ESRRB: variants seen among roughly 807,000 people sequenced by gnomAD.
ESRRB encodes steroid hormone receptor ERR2.
ESRRB carries 16 observed loss-of-function variants against 46.0 expected under a neutral mutation model. The observed-to-expected ratio is 0.35, with a 90% CI of 0.24 to 0.53. The LOEUF is 0.53. ESRRB is among the 20% of genes least tolerant of loss of function. ESRRB has a pLI of 0.93. For missense variants in ESRRB, 488 were observed against 607.4 expected (o/e 0.80, Z 2.07); for synonymous variants, 246 against 259.6 (o/e 0.95, Z 0.50).
intron 2 of ESRRB, among the ~76,000 whole-genome samples, chr14:76,451,047 G>C (rs142667832): frequency 6.6e-6 from 1 of 152,284 alleles, no homozygotes; most frequent in African/African-American, 2.4e-5. Flanking sequence ...GTCCAGAGAA[G>C]GTTTATACCT....
At chr14:76,337,360 G>A (rs1298335046) in intron 1 of ESRRB, among the ~76,000 whole-genome samples, 1 of 152,172 alleles carries the variant, frequency 6.6e-6, no homozygotes, top group Non-Finnish European at 1.5e-5. Flanking sequence ...GGATGCAATA[G>A]AGGTGTTAGG....
At chr14:76,419,584 G>A (rs568947118) in intron 1 of ESRRB, among the ~76,000 whole-genome samples, 1 of 152,194 alleles carries the variant, frequency 6.6e-6, no homozygotes, top group Non-Finnish European at 1.5e-5. Context: ...TGATTACCCT[G>A]AAGACATTCA....
intron 1 of ESRRB, among the ~76,000 whole-genome samples, chr14:76,354,224 G>GCCC (rs1371208828): frequency 1.8e-3 from 63 of 34,516 alleles, no homozygotes; most frequent in East Asian, 0.013. Context: ...TCCTCTACCC[G>GCCC]CCCCCCCCCC....
intron 1 of ESRRB, among the ~76,000 whole-genome samples, chr14:76,405,542 C>T (rs1886148008): frequency 1.3e-5 from 2 of 152,100 alleles, no homozygotes; most frequent in South Asian, 2.1e-4. Flanking sequence ...TGAGCATGAT[C>T]AGAAGAGGTA....
Position 76,501,749 on chromosome 14 carries a change from T to C in ESRRB, c.*3291T>C, listed in dbSNP as rs550013902. On this transcript the variant is annotated 3_prime_UTR_variant, in exon 7 of 7. Coordinates refer to ENST00000644823, the MANE Select transcript of ESRRB (RefSeq NM_001379180.1). ...TATGTCTTTCTGCCTCTGTATATGT[T>C]CTCCCAGAAACCCCCATGTAAATCA... 5 of 152,312 alleles carry C rather than the reference T, an allele frequency of 3.3e-5. No homozygotes were observed. In the South Asian group the frequency reaches 1.0e-3, roughly 32 times the overall value. The allele number at this position is 152,312 out of a possible 1,614,324, so 9.4% of individuals were successfully genotyped here. A position where few individuals can be genotyped will look rare whatever the true frequency, so the allele number is the denominator to read the frequency against.
intron 6 of ESRRB, among the ~76,000 whole-genome samples, chr14:76,492,135 T>C (rs973317569): frequency 6.6e-6 from 1 of 152,252 alleles, no homozygotes; most frequent in Non-Finnish European, 1.5e-5. Flanking sequence ...GCTTGCAACA[T>C]GCTTGGCACA....
At chr14:76,443,711 G>A (rs1158208264) in intron 2 of ESRRB, among the ~76,000 whole-genome samples, 3 of 151,594 alleles carry the variant, frequency 2.0e-5, no homozygotes, top group Admixed American at 6.6e-5. Flanking sequence ...TGAAAGCAGA[G>A]GTTAATGTGT....
chr14:76,387,231 C>T (rs1885269288), intron 1 of ESRRB, among the ~76,000 whole-genome samples: 1 of 152,206 alleles, frequency 6.6e-6, no homozygotes, highest in Non-Finnish European at 1.5e-5. Flanking sequence ...CGGACCCCAG[C>T]TTCCCCTCAT....
chr14:76,312,490 G>T (rs1235715035), intron 1 of ESRRB, among the ~76,000 whole-genome samples: 1 of 151,588 alleles, frequency 6.6e-6, no homozygotes, highest in Non-Finnish European at 1.5e-5. Flanking sequence ...CCCATGTTCA[G>T]CCAGTAAGAC....
rs74457822 is a variant in ESRRB, at chr14:76,378,404, G to T, written c.50+1953G>T. ...AGGGAAGCAGCAGAAGGAAGTCAGGGAGCTGAGGTCCTGGGGGTCTGGGAA... is the reference window on the plus strand; with the variant it reads ...AGGGAAGCAGCAGAAGGAAGTCAGGTAGCTGAGGTCCTGGGGGTCTGGGAA... On this transcript the variant is annotated intron_variant, in intron 1 of 6. Coordinates refer to ENST00000644823, the MANE Select transcript of ESRRB (RefSeq NM_001379180.1). Among the ~76,000 whole-genome samples, 268 of 152,318 alleles carry T rather than the reference G, an allele frequency of 1.8e-3. 1 individual carries two copies. The highest frequency in any genetic ancestry group is 6.3e-3 in the African/African-American group (260 of 41,556).
intron 6 of ESRRB, 52 bp from the exon 7 acceptor site, chr14:76,498,162 C>T: frequency 1.2e-6 from 2 of 1,611,576 alleles, no homozygotes; most frequent in Non-Finnish European, 1.7e-6. Context: ...GGCCCCCACA[C>T]CAGGCAGCAC....
At position 76,501,430 on chromosome 14, in the gene ESRRB, T is replaced by C. The variant is rs112261028; in HGVS notation, c.*2972T>C. ...AGACTCCAGCAGAGTCGGGAGGCCA[T>C]GGCAGCGCCTTAGAGGAGCTGGAAC... On this transcript the variant is annotated 3_prime_UTR_variant, in exon 7 of 7. Transcript: ENST00000644823. 97 of 152,282 alleles carry C rather than the reference T, an allele frequency of 6.4e-4. No homozygotes were observed. Among genetic ancestry groups the C allele is most frequent in the African/African-American group, 2.2e-3 (93 of 41,520 alleles). 9.4% of individuals were successfully genotyped at this position (152,282 alleles called of 1,614,324 possible). A position where few individuals can be genotyped will look rare whatever the true frequency, so the allele number is the denominator to read the frequency against.
In ESRRB at chr14:76,501,327, C is replaced by T. The variant is rs1397285585; in HGVS notation, c.*2869C>T. On this transcript the variant is annotated 3_prime_UTR_variant, in exon 7 of 7. Transcript: ENST00000644823. ...GACTGGCTTTGTCACTTTGTGAACTCGTCATGTGTGAAAACCAATCTTTGC... is the reference window on the plus strand; with the variant it reads ...GACTGGCTTTGTCACTTTGTGAACTTGTCATGTGTGAAAACCAATCTTTGC... The T allele has an allele frequency of 6.5e-6, 1 of 152,746 alleles. No homozygotes were observed. Among genetic ancestry groups the T allele is most frequent in the Admixed American group, 6.5e-5 (1 of 15,376 alleles). The allele number at this position is 152,746 out of a possible 1,614,324, so 9.5% of individuals were successfully genotyped here.
chr14:76,441,249 G>A (rs1169317860), intron 2 of ESRRB, among the ~76,000 whole-genome samples: 1 of 152,188 alleles, frequency 6.6e-6, no homozygotes, highest in Non-Finnish European at 1.5e-5. Context: ...TATCACCTGA[G>A]TCACATTCCA....
At chr14:76,361,485 C>T (rs949910300) in intron 1 of ESRRB, among the ~76,000 whole-genome samples, 10 of 152,116 alleles carry the variant, frequency 6.6e-5, no homozygotes, top group African/African-American at 2.4e-4. Context: ...TCCCCCAAGA[C>T]TAAGAAATCG....
chr14:76,464,642 A>T (rs917311652), intron 3 of ESRRB, among the ~76,000 whole-genome samples: 10 of 152,186 alleles, frequency 6.6e-5, no homozygotes, highest in African/African-American at 2.4e-4. Context: ...CCGAAAAAAC[A>T]GTCTCCTTTC....
intron 2 of ESRRB, among the ~76,000 whole-genome samples, chr14:76,440,717 C>CTCTATT (rs1374030761): frequency 6.6e-6 from 1 of 151,180 alleles, no homozygotes; most frequent in East Asian, 1.9e-4. Flanking sequence ...TTCTTTCTCT[C>CTCTATT]TCTCTTTCTC....
intron 2 of ESRRB, among the ~76,000 whole-genome samples, chr14:76,448,628 G>A (rs545317106): frequency 5.3e-5 from 8 of 151,852 alleles, no homozygotes; most frequent in South Asian, 2.1e-4. Context: ...GAGCCACCGC[G>A]CCCAGCCCAC....
chr14:76,329,859 G>A (rs570449638), intron 1 of ESRRB, among the ~76,000 whole-genome samples: 4 of 152,258 alleles, frequency 2.6e-5, no homozygotes, highest in East Asian at 3.9e-4. Context: ...GCCGAGCAGC[G>A]GCTAGGGATG....
Sources: allele counts gnomAD v4.1 joint callset (sites outside exome capture counted in the v4.1 genomes callset), GRCh38; gene constraint gnomAD v4.1.1; transcripts MANE v1.5; gene names NCBI Gene and HGNC (gene_info 2026-07-23, HGNC 2026-07-21).